ZNF442: variants seen among roughly 807,000 people sequenced by gnomAD.
The protein encoded by ZNF442 is zinc finger protein 442.
Under a neutral mutation model 57.0 loss-of-function variants are expected in ZNF442, and 45 were observed. The ratio of observed to expected loss-of-function variants is 0.79; its 90% CI spans 0.62 to 1.01. ZNF442 has a LOEUF of 1.01. ZNF442 is among the 50% of genes least tolerant of loss of function. The probability of loss-of-function intolerance (pLI) is 0.00; values close to 1 mark genes in which losing one functional copy is unlikely to be tolerated. For missense variants in ZNF442, 690 were observed against 756.5 expected (o/e 0.91, Z 1.03); for synonymous variants, 213 against 241.8 (o/e 0.88, Z 1.10).
intron 3 of ZNF442, among the ~76,000 whole-genome samples, chr19:12,354,521 A>G (rs1969293239): frequency 6.6e-6 from 1 of 152,200 alleles, no homozygotes; most frequent in African/African-American, 2.4e-5. Context: ...AATGCTAAAA[A>G]CTTTCTCACC....
rs568755118 is a variant in ZNF442, at chr19:12,353,089, G to A, written c.104C>T (p.Ala35Val). 106 of 1,613,032 alleles carry A rather than the reference G, an allele frequency of 6.6e-5. No homozygotes were observed. The highest frequency in any genetic ancestry group is 1.8e-4 in the Admixed American group (11 of 59,826). Reference sequence around the variant, plus strand: ...CCACTCTTCCTGGGTGAAGTTCACCGCCACATCCTCAAAGGCTACTGAATC... The same window carrying A: ...CCACTCTTCCTGGGTGAAGTTCACCACCACATCCTCAAAGGCTACTGAATC... ...QYDSVAFEDVAVNFTQEEWAL... is the reference protein window; with the variant it reads ...QYDSVAFEDVVVNFTQEEWAL... The change falls in exon 4 of 6, where the codon GCG (alanine) becomes GTG (valine). Residue 35 changes from alanine (A) to valine (V), a missense_variant. Ala to Val is a moderately conservative substitution (Grantham distance 64). Coordinates refer to ENST00000242804, the MANE Select transcript of ZNF442 (RefSeq NM_030824.3).
chr19:12,353,053 C>G lies in ZNF442; in HGVS notation c.140G>C (p.Gly47Ala). The change falls in exon 4 of 6, where the codon GGT becomes GCT. Residue 47 changes from glycine to alanine, a missense_variant. Transcript: ENST00000242804. ...NFTQEEWALLGPSQKSLYRDV... is the reference protein window; with the variant it reads ...NFTQEEWALLAPSQKSLYRDV... ...TCTGTACAGACTCTTCTGTGATGGA[C>G]CCAGCAAAGCCCACTCTTCCTGGGT... 6.2e-7 allele frequency: 1 copy of G among 1,613,676 alleles called. No individual in the cohort carries two copies.
chr19:12,353,417 C>T (rs1031567444), intron 3 of ZNF442, among the ~76,000 whole-genome samples: 19 of 152,104 alleles, frequency 1.2e-4, no homozygotes, highest in African/African-American at 3.9e-4. Context: ...TATTTCCTGT[C>T]GTGACAAAGT....
At chr19:12,363,158 CAAAAAAAAAAA>C (rs886442784) in intron 3 of ZNF442, among the ~76,000 whole-genome samples, 7 of 60,674 alleles carry the variant, frequency 1.2e-4, no homozygotes, top group Non-Finnish European at 2.3e-4. Context: ...AGCTCCGTCT[CAAAAAAAAAAA>C]AAAAAAAAAA....
chr19:12,348,833 A>G lies in ZNF442; in HGVS notation c.*868T>C, dbSNP rs1337539814. ...TCAAGCAAGAAGGATCAGGATTTTC[A>G]TAAGTGTTAACACACGATTCCAGGT... On this transcript the variant is annotated 3_prime_UTR_variant, in exon 6 of 6. Coordinates refer to ENST00000242804, the MANE Select transcript of ZNF442 (RefSeq NM_030824.3). 1.3e-5 allele frequency: 2 copies of G among 152,092 alleles called. No homozygotes were observed. Among genetic ancestry groups the G allele is most frequent in the African/African-American group, 2.4e-5 (1 of 41,424 alleles). 9.4% of individuals were successfully genotyped at this position (152,092 alleles called of 1,614,324 possible).
At chr19:12,361,936 G>T (rs1421928299) in intron 3 of ZNF442, among the ~76,000 whole-genome samples, 1 of 152,214 alleles carries the variant, frequency 6.6e-6, no homozygotes, top group Non-Finnish European at 1.5e-5. Flanking sequence ...TGGCCGGGCT[G>T]GTCTCCAGCT....
chr19:12,366,009 G>C (rs897253595), upstream of ZNF442: 3 of 152,286 alleles, frequency 2.0e-5, no homozygotes, highest in African/African-American at 7.2e-5. Flanking sequence ...CTGCCCAGTG[G>C]AGCCATCCCC....
chr19:12,360,632 A>G (rs1969408947), intron 3 of ZNF442, among the ~76,000 whole-genome samples: 1 of 152,232 alleles, frequency 6.6e-6, no homozygotes, highest in South Asian at 2.1e-4. Context: ...ACTGGAGTGC[A>G]GTGGCGCGAT....
chr19:12,356,636 AAGAG>A (rs1555755540), intron 3 of ZNF442, among the ~76,000 whole-genome samples: 2 of 151,664 alleles, frequency 1.3e-5, no homozygotes, highest in African/African-American at 2.4e-5. Flanking sequence ...TCAAAAAAAA[AAGAG>A]AGAGAGAGAA....
chr19:12,365,149 C>T lies in ZNF442; in HGVS notation c.-388G>A, dbSNP rs1969510729. ...CATGGAGGCGGAACTGGGGTCTTCT[C>T]TCCTCTCCCCCTATTAAACTGTTTC... On this transcript the variant is annotated 5_prime_UTR_variant, in exon 2 of 6. Coordinates refer to ENST00000242804, the MANE Select transcript of ZNF442 (RefSeq NM_030824.3). 6.5e-6 allele frequency: 1 copy of T among 153,744 alleles called. No homozygotes were observed. The highest frequency in any genetic ancestry group is 2.4e-5 in the African/African-American group (1 of 41,476). The allele number at this position is 153,744 out of a possible 1,614,324, so 9.5% of individuals were successfully genotyped here.
chr19:12,360,851 G>A (rs1036288247), intron 3 of ZNF442, among the ~76,000 whole-genome samples: 2 of 152,170 alleles, frequency 1.3e-5, no homozygotes, highest in African/African-American at 4.8e-5. Context: ...TTGCACTCCA[G>A]TCTAGGCAAC....
chr19:12,365,719 C>T, upstream of ZNF442: 1 of 200,136 alleles, frequency 5.0e-6, no homozygotes, highest in South Asian at 1.1e-4. Flanking sequence ...CTGGCAGTTC[C>T]CAAGAACTCG....
At position 12,350,233 on chromosome 19, in the gene ZNF442, T is replaced by C. The variant is rs1196809150; in HGVS notation, c.1352A>G (p.His451Arg). The C allele has an allele frequency of 1.2e-6, 2 of 1,613,872 alleles. No individual in the cohort carries two copies. Among genetic ancestry groups the C allele is most frequent in the Non-Finnish European group, 1.7e-6 (2 of 1,180,000 alleles). Residue 451 changes from histidine to arginine, a missense_variant, in exon 6 of 6, where the codon CAT becomes CGT. His to Arg is a conservative substitution (Grantham distance 29). Transcript: ENST00000242804. ...AFRISSSLRR[H>R]ETTHTGEKPY... is the part of the protein sequence containing the mutation. ...TTTCTCTCCAGTGTGAGTTGTTTCA[T>C]GTCTTCGAAGGGAACTAGAAATACG...
upstream of ZNF442, among the ~76,000 whole-genome samples, chr19:12,370,299 A>G (rs896502955): frequency 1.3e-5 from 2 of 151,824 alleles, no homozygotes; most frequent in Admixed American, 1.3e-4. Context: ...GCAGCTCACA[A>G]TAGGGTTCGT....
intron 3 of ZNF442, among the ~76,000 whole-genome samples, chr19:12,356,755 G>C (rs1414787021): frequency 2.6e-5 from 4 of 152,028 alleles, no homozygotes; most frequent in Non-Finnish European, 5.9e-5. Flanking sequence ...CAACACCAAT[G>C]CTAATCAGCA....
chr19:12,356,790 A>G (rs1288762547), intron 3 of ZNF442, among the ~76,000 whole-genome samples: 1 of 152,200 alleles, frequency 6.6e-6, no homozygotes, highest in Admixed American at 6.5e-5. Flanking sequence ...TATATAAAAC[A>G]TAAATCTTTA....
chr19:12,356,990 A>T (rs916776800), intron 3 of ZNF442, among the ~76,000 whole-genome samples: 1 of 152,228 alleles, frequency 6.6e-6, no homozygotes, highest in African/African-American at 2.4e-5. Context: ...TTTCAACAAC[A>T]TCATAAGGTT....
At chr19:12,351,443 G>A (rs577076651) in intron 5 of ZNF442, 125 bp from the exon 6 acceptor site, 13 of 811,146 alleles carry the variant, frequency 1.6e-5, no homozygotes, top group East Asian at 2.7e-5. Context: ...CTGCTTGAAC[G>A]TGAATGGACT....
In ZNF442 at chr19:12,348,417, C is replaced by T. The variant is rs1969159564; in HGVS notation, c.*1284G>A. 6.6e-6 allele frequency: 1 copy of T among 152,046 alleles called. No individual in the cohort carries two copies. Among genetic ancestry groups the T allele is most frequent in the Admixed American group, 6.6e-5 (1 of 15,258 alleles). 9.4% of individuals were successfully genotyped at this position (152,046 alleles called of 1,614,324 possible). Reference sequence around the variant, plus strand: ...CCTCAAGTAAGATCCTTCAATGGAACAAAACCTCTGTGTCACCCAAGGGAT... The same window carrying T: ...CCTCAAGTAAGATCCTTCAATGGAATAAAACCTCTGTGTCACCCAAGGGAT... On this transcript the variant is annotated 3_prime_UTR_variant, in exon 6 of 6. Transcript: ENST00000242804.
Sources: allele counts gnomAD v4.1 joint callset (sites outside exome capture counted in the v4.1 genomes callset), GRCh38; gene constraint gnomAD v4.1.1; transcripts MANE v1.5; gene names NCBI Gene and HGNC (gene_info 2026-07-23, HGNC 2026-07-21).